SPIDR: variants seen among roughly 807,000 people sequenced by gnomAD.
The protein encoded by SPIDR is scaffold protein involved in DNA repair, also known as DNA repair-scaffolding protein.
Under a neutral mutation model 104.6 loss-of-function variants are expected in SPIDR, and 93 were observed. The observed-to-expected ratio is 0.89, with a 90% CI of 0.75 to 1.06. The LOEUF is 1.06. Ranked by LOEUF, SPIDR falls within the 50% of genes least tolerant of loss-of-function variation. The probability of loss-of-function intolerance (pLI) is 0.00; values close to 1 mark genes in which losing one functional copy is unlikely to be tolerated. For synonymous variants in SPIDR, 431 were observed against 416.9 expected (o/e 1.03, Z -0.41); for missense variants, 1,154 against 1,111.2 (o/e 1.04, Z -0.55).
intron 1 of SPIDR, among the ~76,000 whole-genome samples, chr8:47,277,252 G>A (rs1205732535): frequency 7.9e-5 from 12 of 151,878 alleles, no homozygotes; most frequent in East Asian, 1.9e-4. Flanking sequence ...GGTATATACC[G>A]AGCAGTGGCA....
chr8:47,659,677 T>C, intron 10 of SPIDR: 1 of 977,122 alleles, frequency 1.0e-6, no homozygotes, highest in Non-Finnish European at 1.2e-6. Flanking sequence ...TCTCAGCGGC[T>C]CCCTTGCGCT....
At chr8:47,478,177 T>C (rs1176688678) in intron 8 of SPIDR, among the ~76,000 whole-genome samples, 2 of 151,984 alleles carry the variant, frequency 1.3e-5, no homozygotes, top group African/African-American at 4.8e-5. Context: ...CCGACAGAAA[T>C]AATGTGAAGA....
chr8:47,386,977 A>G (rs1415441852), intron 5 of SPIDR, among the ~76,000 whole-genome samples: 1 of 151,920 alleles, frequency 6.6e-6, no homozygotes, highest in Non-Finnish European at 1.5e-5. Context: ...ACAGATATAG[A>G]TTGAACTTAC....
chr8:47,690,514 G>T (rs546503007), intron 11 of SPIDR, among the ~76,000 whole-genome samples: 3 of 151,150 alleles, frequency 2.0e-5, no homozygotes, highest in Non-Finnish European at 4.4e-5. Context: ...TTTAACAAAA[G>T]ACATTTTTAA....
At chr8:47,654,184 G>A (rs2072248231) in intron 10 of SPIDR, 1 of 1,289,258 alleles carries the variant, frequency 7.8e-7, no homozygotes, top group African/African-American at 1.5e-5. Context: ...CGATAAGAAG[G>A]AGCACTGTAG....
chr8:47,439,716 A>G (rs1258196736), intron 7 of SPIDR, among the ~76,000 whole-genome samples: 1 of 152,198 alleles, frequency 6.6e-6, no homozygotes, highest in Non-Finnish European at 1.5e-5. Flanking sequence ...TTTACACATA[A>G]GACAATTTAA....
At chr8:47,384,732 C>T (rs1443099562) in intron 5 of SPIDR, among the ~76,000 whole-genome samples, 6 of 152,306 alleles carry the variant, frequency 3.9e-5, no homozygotes, top group Admixed American at 6.5e-5. Flanking sequence ...CTCCCTCTCA[C>T]CCTCTGGGCT....
At chr8:47,303,751 A>G (rs55861571) in intron 5 of SPIDR, among the ~76,000 whole-genome samples, 1 of 152,168 alleles carries the variant, frequency 6.6e-6, no homozygotes. Context: ...TGTTGAATTC[A>G]GTTTATTAGT....
At chr8:47,427,333 C>CA (rs1252925035) in intron 7 of SPIDR, among the ~76,000 whole-genome samples, 1 of 147,440 alleles carries the variant, frequency 6.8e-6, no homozygotes, top group African/African-American at 2.5e-5. Flanking sequence ...ATGCCTTTTA[C>CA]AAAAAAAGAA....
intron 2 of SPIDR, among the ~76,000 whole-genome samples, chr8:47,281,663 C>T (rs908615810): frequency 6.6e-6 from 1 of 152,222 alleles, no homozygotes; most frequent in Admixed American, 6.5e-5. Context: ...TTCTAGTTCT[C>T]TTGCTGTTTC....
chr8:47,592,501 A>G (rs2061151288), intron 8 of SPIDR: 1 of 1,423,676 alleles, frequency 7.0e-7, no homozygotes, highest in African/African-American at 1.4e-5. Context: ...CAATGACCAC[A>G]TGAAAATAAC....
intron 2 of SPIDR, among the ~76,000 whole-genome samples, chr8:47,281,486 T>C (rs2154222505): frequency 6.6e-6 from 1 of 152,230 alleles, no homozygotes; most frequent in East Asian, 1.9e-4. Context: ...TATAGGATAT[T>C]CTAAATTACT....
chr8:47,302,856 A>G (rs1196437370), intron 5 of SPIDR, among the ~76,000 whole-genome samples: 1 of 152,224 alleles, frequency 6.6e-6, no homozygotes, highest in South Asian at 2.1e-4. Flanking sequence ...GTCTGCCCCT[A>G]CTGGGGGGTC....
chr8:47,360,741 AAAAC>A, intron 5 of SPIDR: 2 of 683,794 alleles, frequency 2.9e-6, no homozygotes, highest in Non-Finnish European at 3.6e-6. Context: ...GTTCAAATGA[AAAAC>A]AAAACAAAAC....
At chr8:47,644,135 T>C (rs1176409492) in intron 10 of SPIDR, among the ~76,000 whole-genome samples, 1 of 152,140 alleles carries the variant, frequency 6.6e-6, no homozygotes, top group South Asian at 2.1e-4. Context: ...TAGCAGTCAC[T>C]CCACCTCACA....
chr8:47,514,087 G>T (rs142048005), intron 8 of SPIDR, among the ~76,000 whole-genome samples: 2 of 152,144 alleles, frequency 1.3e-5, no homozygotes, highest in African/African-American at 4.8e-5. Context: ...TCAAAAGTCC[G>T]TGAATCTAAT....
At chr8:47,315,164 A>G (rs1490137689) in intron 5 of SPIDR, among the ~76,000 whole-genome samples, 1 of 152,170 alleles carries the variant, frequency 6.6e-6, no homozygotes, top group Non-Finnish European at 1.5e-5. Flanking sequence ...AAACCTAGAC[A>G]AAAAATCAGT....
chr8:47,262,068 C>A (rs2032555319), intron 1 of SPIDR, among the ~76,000 whole-genome samples: 1 of 152,132 alleles, frequency 6.6e-6, no homozygotes, highest in Non-Finnish European at 1.5e-5. Context: ...GTGCCATGTT[C>A]TAATTTTTGA....
At chr8:47,271,820 C>T (rs1192832127) in intron 1 of SPIDR, among the ~76,000 whole-genome samples, 3 of 152,068 alleles carry the variant, frequency 2.0e-5, no homozygotes, top group African/African-American at 7.2e-5. Context: ...CAGAGTCTCA[C>T]CACGATGCCC....
Sources: gnomAD v4.1 joint callset for allele counts (sites outside exome capture counted in the v4.1 genomes callset) on GRCh38, gnomAD v4.1.1 for gene constraint, MANE v1.5 for transcripts, NCBI Gene and HGNC (gene_info 2026-07-23, HGNC 2026-07-21) for gene names.